Variants in KHNYN observed in about 807,000 individuals in gnomAD.
KHNYN encodes protein KHNYN.
In KHNYN, 42 loss-of-function variants were observed where a neutral mutation model predicts 62.7. That is an observed-to-expected ratio of 0.67 (90% CI 0.52 to 0.87). The LOEUF (loss-of-function observed/expected upper bound fraction) is 0.87, where lower values mean the gene tolerates loss of function less well. KHNYN is among the 40% of genes least tolerant of loss of function. KHNYN has a pLI of 0.00. For missense variants in KHNYN, 829 were observed against 874.1 expected (o/e 0.95, Z 0.65); for synonymous variants, 347 against 345.6 (o/e 1.00, Z -0.04).
At position 24,440,470 on chromosome 14, in the gene KHNYN, A is replaced by T. The variant is rs1381030062; in HGVS notation, c.*3185A>T. The T allele has an allele frequency of 6.2e-7, 1 of 1,607,410 alleles. No homozygotes were observed. The highest frequency in any genetic ancestry group is 8.5e-7 in the Non-Finnish European group (1 of 1,177,028). On this transcript the variant is annotated 3_prime_UTR_variant, in exon 8 of 8. Transcript: ENST00000553935. ...GCAGCAGCATGTGGCCCATGGCACCACCCCCACGGCCCAGCACAACCCCTA... is the reference window on the plus strand; with the variant it reads ...GCAGCAGCATGTGGCCCATGGCACCTCCCCCACGGCCCAGCACAACCCCTA...
At chr14:24,428,401 A>AG (rs2043046519), upstream of KHNYN, 1 of 1,613,878 alleles carries the variant, frequency 6.2e-7, no homozygotes, top group East Asian at 2.2e-5. Flanking sequence ...CTCGTTCACC[A>AG]GGACCTGGGG....
intron 2 of KHNYN, 140 bp from the exon 3 acceptor site, chr14:24,431,323 C>T: frequency 3.0e-6 from 2 of 676,202 alleles, no homozygotes; most frequent in Non-Finnish European, 4.9e-6. Context: ...ATGGGAGTCT[C>T]AGTTTCCTTA....
chr14:24,429,795 T>C, upstream of KHNYN: 2 of 1,083,324 alleles, frequency 1.8e-6, no homozygotes, highest in South Asian at 2.2e-5. Context: ...ACGGGAGGGC[T>C]GGTGAGAAGC....
At chr14:24,423,766 T>C in the KHNYN span, among the ~76,000 whole-genome samples, 2 of 152,212 alleles carry the variant, frequency 1.3e-5, no homozygotes, top group South Asian at 4.1e-4. Flanking sequence ...TCAGTGGGAC[T>C]TCTCTGTAGG....
rs1207709394 is a variant in KHNYN at position 24,437,358 on chromosome 14, C to T, written c.*73C>T. ...CAGCTCAGCCCTTTCTGTGAGAGTCCCTCTGCTGCTCACTCTGATCCAGAG... is the reference window on the plus strand; with the variant it reads ...CAGCTCAGCCCTTTCTGTGAGAGTCTCTCTGCTGCTCACTCTGATCCAGAG... On this transcript the variant is annotated 3_prime_UTR_variant, in exon 8 of 8. Coordinates refer to ENST00000553935, the MANE Select transcript of KHNYN (RefSeq NM_015299.3). The surrounding 1 kb of genome is among the most constrained non-coding windows in gnomAD (Gnocchi z 5.5). 2.6e-6 allele frequency: 4 copies of T among 1,536,112 alleles called. No individual in the cohort carries two copies. Among genetic ancestry groups the T allele is most frequent in the African/African-American group, 2.7e-5 (2 of 72,926 alleles).
At position 24,431,985 on chromosome 14, in the gene KHNYN, C is replaced by A; in HGVS notation, c.724C>A (p.Pro242Thr). 6.2e-7 allele frequency: 1 copy of A among 1,611,864 alleles called. No individual in the cohort carries two copies. The highest frequency in any genetic ancestry group is 8.5e-7 in the Non-Finnish European group (1 of 1,178,504). ...GTCCCTGGACACTGGATCTATGGGA[C>A]CCGGAGATTGCAGGGGAGCAAGGGG... The part of the protein sequence containing the change: ...RESLDTGSMG[P>T]GDCRGARGDT... The change falls in exon 3 of 8, where the codon CCC becomes ACC. Residue 242 changes from proline (P) to threonine (T), a missense_variant. Pro to Thr is a conservative substitution (Grantham distance 38, BLOSUM62 -1). This residue lies in a region of KHNYN where 559 missense variants were observed against 527.0 expected (regional missense o/e 1.06). Coordinates refer to ENST00000553935, the MANE Select transcript of KHNYN (RefSeq NM_015299.3).
At chr14:24,436,636 G>C (rs1594758547) in intron 7 of KHNYN, 147 bp downstream of exon 7, 1 of 609,898 alleles carries the variant, frequency 1.6e-6, no homozygotes, top group African/African-American at 1.9e-5. Flanking sequence ...GCCTTTATAA[G>C]CTTCCCAGGG....
Position 24,440,036 on chromosome 14 carries a change from C to T in KHNYN, c.*2751C>T. On this transcript the variant is annotated 3_prime_UTR_variant, in exon 8 of 8. Transcript: ENST00000553935. The stretch of plus-strand genomic sequence containing the variant: ...AGCTGAGCCTATTCACAGTGCCTAA[C>T]CTGGAAGCCTGTGAGGAACAGGCCT... 6.6e-7 allele frequency: 1 copy of T among 1,507,538 alleles called. No individual in the cohort carries two copies. Among genetic ancestry groups the T allele is most frequent in the Non-Finnish European group, 9.0e-7 (1 of 1,116,106 alleles). 93.4% of individuals were successfully genotyped at this position (1,507,538 alleles called of 1,614,324 possible).
chr14:24,431,220 G>A (rs1335212477), intron 2 of KHNYN, among the ~76,000 whole-genome samples: 1 of 152,232 alleles, frequency 6.6e-6, no homozygotes, highest in Non-Finnish European at 1.5e-5. Flanking sequence ...GCCCCACCAA[G>A]GAATGCACTG....
chr14:24,424,374 C>T (rs976447207), upstream of KHNYN, among the ~76,000 whole-genome samples: 7 of 152,184 alleles, frequency 4.6e-5, no homozygotes, highest in African/African-American at 1.4e-4. Flanking sequence ...CAAGCCCATA[C>T]GTTTTCCATG....
rs2043337794 is a variant in KHNYN, at chr14:24,441,496, AG to A, written c.*4214del. The A allele has an allele frequency of 5.3e-6, 3 of 566,468 alleles. No individual in the cohort carries two copies. The highest frequency in any genetic ancestry group is 9.0e-6 in the Non-Finnish European group (3 of 334,380). 35.1% of individuals were successfully genotyped at this position (566,468 alleles called of 1,614,324 possible). ...TGATGCCACTCCCCACTGTTTTTTC[AG>A]GGTCTCAATTTCTTAGTGAAAGTAC... On this transcript the variant is annotated 3_prime_UTR_variant, in exon 8 of 8. Transcript: ENST00000553935.
In KHNYN at chr14:24,440,923, T is replaced by G. The variant is rs1441933751; in HGVS notation, c.*3638T>G. On this transcript the variant is annotated 3_prime_UTR_variant, in exon 8 of 8. Transcript: ENST00000553935. ...CTCCGCAGTCAGACTGGGCTGGTAG[T>G]AAGCTGCCGGTGGAACACAATCATT... is the stretch of plus-strand genomic sequence containing the variant. 1.9e-6 allele frequency: 3 copies of G among 1,614,046 alleles called. No homozygotes were observed. Among genetic ancestry groups the G allele is most frequent in the Admixed American group, 3.3e-5 (2 of 60,032 alleles).
chr14:24,426,154 G>T (rs906084429), upstream of KHNYN, among the ~76,000 whole-genome samples: 1 of 152,102 alleles, frequency 6.6e-6, no homozygotes, highest in Non-Finnish European at 1.5e-5. Flanking sequence ...AATTCACCTT[G>T]TTCCAATTAA....
intron 5 of KHNYN, among the ~76,000 whole-genome samples, chr14:24,435,187 A>G (rs1358892046): frequency 6.6e-6 from 1 of 152,222 alleles, no homozygotes. Context: ...TGCCTTCCAG[A>G]TAGAGGAAAT....
chr14:24,435,215 A>T (rs998491197), intron 5 of KHNYN, among the ~76,000 whole-genome samples: 14 of 152,234 alleles, frequency 9.2e-5, no homozygotes, highest in African/African-American at 3.4e-4. Flanking sequence ...GAAATATGGA[A>T]GTCAGCATAA....
Position 24,431,554 on chromosome 14 carries a change from T to G in KHNYN, c.293T>G (p.Phe98Cys), listed in dbSNP as rs2043113501. ...LHCIFLGAQG[F>C]FLDCLAWSTS... The stretch of plus-strand genomic sequence containing the variant: ...TGCATCTTTCTGGGAGCCCAGGGCT[T>G]CTTCCTTGACTGCCTGGCCTGGAGC... The change falls in exon 3 of 8, where the codon TTC (phenylalanine) becomes TGC (cysteine). Residue 98 changes from phenylalanine to cysteine, a missense_variant. Transcript: ENST00000553935. The G allele has an allele frequency of 6.2e-7, 1 of 1,612,632 alleles. No individual in the cohort carries two copies.
At chr14:24,434,564 C>T (rs1017221552) in intron 5 of KHNYN, 3 of 166,374 alleles carry the variant, frequency 1.8e-5, no homozygotes, top group African/African-American at 4.8e-5. Flanking sequence ...GCCACCGTGC[C>T]CAGCTAACTT....
At chr14:24,425,962 A>G (rs971781248), upstream of KHNYN, among the ~76,000 whole-genome samples, 1 of 152,252 alleles carries the variant, frequency 6.6e-6, no homozygotes, top group African/African-American at 2.4e-5. Context: ...ATAGATAAAG[A>G]AAAACAAATG....
At chr14:24,435,229 A>T (rs117857538) in intron 5 of KHNYN, among the ~76,000 whole-genome samples, 2 of 152,242 alleles carry the variant, frequency 1.3e-5, no homozygotes, top group Middle Eastern at 3.2e-3. Context: ...AGCATAAGAC[A>T]TATGTGGAGA....
Sources: gnomAD v4.1 joint callset for allele counts (sites outside exome capture counted in the v4.1 genomes callset) on GRCh38, gnomAD v4.1.1 for gene constraint, gnomAD v4.1.1 regional missense constraint, Gnocchi (gnomAD v3.1) non-coding constraint, MANE v1.5 for transcripts, NCBI Gene and HGNC (gene_info 2026-07-23, HGNC 2026-07-21) for gene names.